The following DNAH6 variants were observed in gnomAD, a reference collection of about 807,000 sequenced individuals.
DNAH6 encodes dynein axonemal heavy chain 6, also known as axonemal beta dynein heavy chain 6.
Under a neutral mutation model 491.4 loss-of-function variants are expected in DNAH6, and 340 were observed. The ratio of observed to expected loss-of-function variants is 0.69; its 90% confidence interval spans 0.63 to 0.76. DNAH6 has a LOEUF of 0.76. Among genes scored for constraint, DNAH6 ranks in the 30% least tolerant of loss-of-function variants. The pLI, the probability that DNAH6 is intolerant of heterozygous loss-of-function variation, is 0.00. For missense variants in DNAH6, 4,443 were observed against 4,972.2 expected (o/e 0.89, Z 3.20); for synonymous variants, 1,603 against 1,686.1 (o/e 0.95, Z 1.21).
intron 19 of DNAH6, 50 bp from the exon 20 acceptor site, chr2:84,605,450 T>C: frequency 8.0e-7 from 1 of 1,246,434 alleles, no homozygotes; most frequent in Non-Finnish European, 1.1e-6. Flanking sequence ...ATTTATTGAG[T>C]ATCTAAACAC....
chr2:84,707,377 A>C, intron 53 of DNAH6, 143 bp from the exon 54 acceptor site: 1 of 857,644 alleles, frequency 1.2e-6, no homozygotes, highest in Non-Finnish European at 1.7e-6. Context: ...TTAATGCTGA[A>C]TTGGTGTAAG....
chr2:84,621,824 A>T (rs937903124), intron 26 of DNAH6, among the ~76,000 whole-genome samples: 1 of 152,222 alleles, frequency 6.6e-6, no homozygotes, highest in African/African-American at 2.4e-5. Context: ...AATTGTTTGC[A>T]ACTTTTAAGG....
chr2:84,525,829 C>G (rs1368583700), intron 3 of DNAH6, 91 bp downstream of exon 3: 9 of 921,900 alleles, frequency 9.8e-6, no homozygotes, highest in African/African-American at 3.4e-5. Context: ...AGAATAGAAG[C>G]AAAGTCATTT....
chr2:84,504,149 C>A, the DNAH6 span, among the ~76,000 whole-genome samples: 2 of 152,090 alleles, frequency 1.3e-5, no homozygotes, highest in African/African-American at 4.8e-5. Context: ...TCTTCAAGCT[C>A]ACTAATTCCT....
intron 41 of DNAH6, among the ~76,000 whole-genome samples, chr2:84,678,114 T>G (rs1693434738): frequency 6.6e-6 from 1 of 152,198 alleles, no homozygotes; most frequent in Admixed American, 6.5e-5. Flanking sequence ...GAATTTTCTG[T>G]TTGTATTGAA....
rs544833010 is a variant in DNAH6 at position 84,808,891 on chromosome 2, T to G, written c.11739+349T>G. Among the ~76,000 whole-genome samples the G allele has an allele frequency of 5.9e-5, 9 of 152,314 alleles. No individual in the cohort carries two copies. The South Asian group carries it at 1.9e-3, about 32-fold the overall frequency. ...GTCTAGTTTGCATTTCATAACATAG[T>G]CTTTAAGCGAGACTGTGAAAACCAT... On this transcript the variant is annotated intron_variant, in intron 72 of 76. Transcript: ENST00000389394.
chr2:84,699,738 G>T lies in DNAH6; in HGVS notation c.7818+4G>T, dbSNP rs1369174049. On this transcript the variant is annotated splice_donor_region_variant and intron_variant, in intron 48 of 76. Transcript: ENST00000389394. ...CACCATTGACTGGTTTGTGCAGGTT[G>T]GTGACATCCCAGGATATCTCTTTGA... 6.5e-7 allele frequency: 1 copy of T among 1,550,098 alleles called. No homozygotes were observed. Among genetic ancestry groups the T allele is most frequent in the South Asian group, 1.2e-5 (1 of 83,596 alleles).
At chr2:84,565,544 A>G (rs1336910767) in intron 11 of DNAH6, among the ~76,000 whole-genome samples, 3 of 151,706 alleles carry the variant, frequency 2.0e-5, no homozygotes, top group Non-Finnish European at 4.4e-5. Flanking sequence ...TTGTAATTTC[A>G]TCTTTGTCAA....
intron 11 of DNAH6, among the ~76,000 whole-genome samples, chr2:84,561,163 C>T (rs2104619630): frequency 6.6e-6 from 1 of 152,246 alleles, no homozygotes; most frequent in East Asian, 1.9e-4. Context: ...CTAACCAAAA[C>T]AGCATGGTAC....
At chr2:84,676,982 C>A (rs1375007369) in intron 40 of DNAH6, 23 bp from the exon 41 acceptor site, 2 of 1,551,400 alleles carry the variant, frequency 1.3e-6, no homozygotes, top group East Asian at 4.9e-5. Context: ...CTGAGTGATC[C>A]AAGTGGATTT....
chr2:84,577,465 TC>T, intron 13 of DNAH6, 57 bp downstream of exon 13: 1 of 1,279,700 alleles, frequency 7.8e-7, no homozygotes, highest in Non-Finnish European at 1.1e-6. Flanking sequence ...TTATGATTTT[TC>T]TACTGCACAA....
intron 40 of DNAH6, among the ~76,000 whole-genome samples, chr2:84,674,804 CCAGCGCT>C (rs1356492721): frequency 6.6e-6 from 1 of 152,132 alleles, no homozygotes; most frequent in Non-Finnish European, 1.5e-5. Context: ...TCCCACCAGG[CCAGCGCT>C]CAGTGGCTCC....
At chr2:84,471,752 G>A in the DNAH6 span, among the ~76,000 whole-genome samples, 1 of 152,152 alleles carries the variant, frequency 6.6e-6, no homozygotes. Flanking sequence ...TTACCCCCAC[G>A]TTAGTAAATC....
At chr2:84,528,380 A>G (rs772574633) in intron 3 of DNAH6, among the ~76,000 whole-genome samples, 1 of 152,178 alleles carries the variant, frequency 6.6e-6, no homozygotes, top group Admixed American at 6.5e-5. Context: ...GATAAAATCA[A>G]TGCTTCTCTA....
the DNAH6 span, among the ~76,000 whole-genome samples, chr2:84,506,415 G>C: frequency 8.1e-4 from 124 of 152,164 alleles, 2 homozygotes; most frequent in East Asian, 0.022. Context: ...TGATGGGGTT[G>C]TTTGTTTTTT....
chr2:84,813,133 A>G lies in DNAH6; in HGVS notation c.11998+3A>G. 1 of 1,550,316 alleles carries G rather than the reference A, an allele frequency of 6.5e-7. No homozygotes were observed. Among genetic ancestry groups the G allele is most frequent in the Non-Finnish European group, 8.7e-7 (1 of 1,145,816 alleles). On this transcript the variant is annotated splice_donor_region_variant and intron_variant, in intron 74 of 76. Transcript: ENST00000389394. ...CTTTCCTCAAGGATTTCTAACAGGTACCAGCGCTTTCTAGAAAAACCCCAT... is the reference window on the plus strand; with the variant it reads ...CTTTCCTCAAGGATTTCTAACAGGTGCCAGCGCTTTCTAGAAAAACCCCAT...
At chr2:84,735,050 C>T (rs1433461109) in intron 62 of DNAH6, among the ~76,000 whole-genome samples, 1 of 152,154 alleles carries the variant, frequency 6.6e-6, no homozygotes, top group Non-Finnish European at 1.5e-5. Flanking sequence ...TGCTGCCTCC[C>T]TCCATCTGCT....
intron 46 of DNAH6, among the ~76,000 whole-genome samples, chr2:84,695,321 C>T (rs1361544725): frequency 6.6e-6 from 1 of 151,920 alleles, no homozygotes; most frequent in Non-Finnish European, 1.5e-5. Context: ...AGTGACTTGG[C>T]CTTGCAAGTT....
intron 75 of DNAH6, among the ~76,000 whole-genome samples, chr2:84,815,444 G>T (rs559250798): frequency 3.3e-5 from 5 of 151,594 alleles, no homozygotes; most frequent in African/African-American, 9.7e-5. Flanking sequence ...GATGGGCAGG[G>T]TCTCTCCCTC....
Sources: allele counts gnomAD v4.1 joint callset (sites outside exome capture counted in the v4.1 genomes callset), GRCh38; gene constraint gnomAD v4.1.1; transcripts MANE v1.5; gene names NCBI Gene and HGNC (gene_info 2026-07-23, HGNC 2026-07-21).